The following HDAC9 variants were observed in gnomAD, a reference collection of about 807,000 sequenced individuals.
HDAC9 encodes the protein MEF-2 interacting transcription repressor (MITR) protein.
Under a neutral mutation model 139.4 loss-of-function variants are expected in HDAC9, and 41 were observed. The observed-to-expected ratio is 0.29, with a 90% CI of 0.23 to 0.38. HDAC9 has a LOEUF of 0.38. Among genes scored for constraint, HDAC9 ranks in the 10% least tolerant of loss-of-function variants. HDAC9 has a pLI of 1.00. For missense variants in HDAC9, 1,147 were observed against 1,297.0 expected, an observed-to-expected ratio of 0.88 and a Z score of 1.78; for synonymous variants, 517 against 476.2, an observed-to-expected ratio of 1.09 and a Z score of -1.12.
intron 23 of HDAC9, among the ~76,000 whole-genome samples, chr7:18,941,774 T>C (rs1782045805): frequency 6.6e-6 from 1 of 152,130 alleles, no homozygotes; most frequent in Admixed American, 6.6e-5. Flanking sequence ...TAAAACTGTT[T>C]GGGGAAAATA....
intron 16 of HDAC9, among the ~76,000 whole-genome samples, chr7:18,778,778 G>T (rs1477501252): frequency 6.6e-6 from 1 of 152,008 alleles, no homozygotes; most frequent in Non-Finnish European, 1.5e-5. Flanking sequence ...CCTTTCGCCA[G>T]AGCAAACATA....
chr7:18,463,249 G>C (rs1391731895), intron 1 of HDAC9, among the ~76,000 whole-genome samples: 3 of 151,922 alleles, frequency 2.0e-5, no homozygotes, highest in Non-Finnish European at 4.4e-5. Flanking sequence ...TTGGCGCCAA[G>C]ATATACCCAC....
At chr7:18,992,276 G>A (rs1786044160) in intron 25 of HDAC9, among the ~76,000 whole-genome samples, 1 of 152,202 alleles carries the variant, frequency 6.6e-6, no homozygotes, top group South Asian at 2.1e-4. Flanking sequence ...AGAATGAATA[G>A]TTAAAATGTG....
At chr7:18,378,634 C>T (rs1785185414) in intron 1 of HDAC9, among the ~76,000 whole-genome samples, 1 of 151,980 alleles carries the variant, frequency 6.6e-6, no homozygotes, top group African/African-American at 2.4e-5. Context: ...AATATATGCA[C>T]ACATGCCTAA....
intron 12 of HDAC9, among the ~76,000 whole-genome samples, chr7:18,718,927 G>A (rs1479353666): frequency 6.6e-6 from 1 of 152,124 alleles, no homozygotes; most frequent in Non-Finnish European, 1.5e-5. Flanking sequence ...ATCTTCCACA[G>A]CATTTGCTTT....
At chr7:18,121,826 T>TA (rs143586290) in intron 1 of HDAC9, among the ~76,000 whole-genome samples, 24,912 of 152,166 alleles carry the variant, frequency 0.16, 2,444 homozygotes, top group South Asian at 0.35. Flanking sequence ...AATTTATTTT[T>TA]AGATAAAAAA....
intron 1 of HDAC9, among the ~76,000 whole-genome samples, chr7:18,380,265 C>A (rs2128712399): frequency 6.6e-6 from 1 of 152,126 alleles, no homozygotes; most frequent in African/African-American, 2.4e-5. Context: ...TATATAACAA[C>A]TTATAGAATA....
intron 1 of HDAC9, among the ~76,000 whole-genome samples, chr7:18,374,753 C>A (rs79775819): frequency 6.6e-6 from 1 of 151,750 alleles, no homozygotes; most frequent in South Asian, 2.1e-4. Flanking sequence ...ATATTTAGAT[C>A]CTCTGCTGTT....
intron 2 of HDAC9, among the ~76,000 whole-genome samples, chr7:18,509,077 A>G (rs1013131859): frequency 1.3e-5 from 2 of 152,214 alleles, no homozygotes; most frequent in South Asian, 2.1e-4. Flanking sequence ...GCTAAGAGCT[A>G]TTTTTCCTCA....
Position 18,173,864 on chromosome 7 carries a change from G to T in HDAC9, c.25+11515G>T, listed in dbSNP as rs572450369. Among the ~76,000 whole-genome samples, 80 of 152,212 alleles carry T rather than the reference G, an allele frequency of 5.3e-4. 2 individuals carry two copies. In the South Asian group the frequency reaches 0.015, roughly 29 times the overall value. ...GTGAGTGATCTGACCTTTCTTTCTG[G>T]CTGCCCTTAACAGTTTTTCCTTCGT... On this transcript the variant is annotated intron_variant, in intron 2 of 12. Transcript: ENST00000417496.
At chr7:18,312,122 A>G (rs1799357337) in intron 1 of HDAC9, among the ~76,000 whole-genome samples, 2 of 152,332 alleles carry the variant, frequency 1.3e-5, no homozygotes, top group Admixed American at 1.3e-4. Flanking sequence ...CAGGACTGCT[A>G]CCATGGCTGC....
intron 12 of HDAC9, among the ~76,000 whole-genome samples, chr7:18,721,273 C>G (rs1293577859): frequency 6.6e-6 from 1 of 151,420 alleles, no homozygotes; most frequent in East Asian, 1.9e-4. Flanking sequence ...TCCTATTGCC[C>G]CTCTCATTCC....
At chr7:18,744,693 T>G (rs1369241078) in intron 13 of HDAC9, among the ~76,000 whole-genome samples, 2 of 152,120 alleles carry the variant, frequency 1.3e-5, no homozygotes, top group African/African-American at 4.8e-5. Context: ...AAATAGATTA[T>G]ATGGCTAAAA....
chr7:18,632,858 T>A (rs801541), intron 7 of HDAC9, among the ~76,000 whole-genome samples: 81,614 of 151,736 alleles, frequency 0.54, 22,467 homozygotes, highest in East Asian at 0.75. Context: ...AAGATCACAT[T>A]AAAAGGGCCT....
At chr7:18,568,183 AC>A (rs1422024566) in intron 2 of HDAC9, among the ~76,000 whole-genome samples, 1 of 151,910 alleles carries the variant, frequency 6.6e-6, no homozygotes, top group Admixed American at 6.6e-5. Context: ...TGAAGGGTAT[AC>A]AATCTCTGTC....
intron 2 of HDAC9, among the ~76,000 whole-genome samples, chr7:18,519,372 T>C (rs1804259707): frequency 6.6e-6 from 1 of 152,180 alleles, no homozygotes; most frequent in South Asian, 2.1e-4. Flanking sequence ...TATTAAATGC[T>C]CAAGAGGTTA....
At chr7:18,981,450 A>G (rs2717350) in intron 25 of HDAC9, among the ~76,000 whole-genome samples, 125,856 of 152,090 alleles carry the variant, frequency 0.83, 52,257 homozygotes, top group African/African-American at 0.89. Flanking sequence ...AAAGTTTGTC[A>G]GTCAGAAATC....
chr7:18,838,686 A>G (rs1375581989), intron 21 of HDAC9, among the ~76,000 whole-genome samples: 2 of 152,050 alleles, frequency 1.3e-5, no homozygotes, highest in Non-Finnish European at 2.9e-5. Context: ...GTTTCCTAGT[A>G]TTGAACCAGA....
intron 23 of HDAC9, chr7:18,949,092 TC>T (rs1313558172): frequency 2.7e-5 from 9 of 337,478 alleles, no homozygotes; most frequent in Non-Finnish European, 5.1e-5. Flanking sequence ...GGGTTTTTTT[TC>T]TGTTTTTTGA....
Sources: allele counts gnomAD v4.1 joint callset (sites outside exome capture counted in the v4.1 genomes callset), GRCh38; gene constraint gnomAD v4.1.1; transcripts MANE v1.5; gene names NCBI Gene and HGNC (gene_info 2026-07-23, HGNC 2026-07-21).